The following LDLRAD4 variants were observed in gnomAD, a reference collection of about 807,000 sequenced individuals.
LDLRAD4 encodes low density lipoprotein receptor class A domain containing 4.
LDLRAD4 carries 5 observed loss-of-function variants against 17.0 expected under a neutral mutation model. The ratio of observed to expected loss-of-function variants is 0.29; its 90% CI spans 0.15 to 0.62. The LOEUF is 0.62. LDLRAD4 is among the 20% of genes least tolerant of loss of function. LDLRAD4 has a pLI of 0.84. For synonymous variants in LDLRAD4, 168 were observed against 171.8 expected, an observed-to-expected ratio of 0.98 and a Z score of 0.17; for missense variants, 340 against 424.7, an observed-to-expected ratio of 0.80 and a Z score of 1.75.
At chr18:13,466,812 A>G (rs2092633205) in intron 3 of LDLRAD4, among the ~76,000 whole-genome samples, 3 of 152,118 alleles carry the variant, frequency 2.0e-5, no homozygotes, top group Non-Finnish European at 4.4e-5. Flanking sequence ...TGGTTCATAG[A>G]TGGAACATTC....
At chr18:13,617,883 G>A (rs908587827) in intron 3 of LDLRAD4, among the ~76,000 whole-genome samples, 1 of 152,210 alleles carries the variant, frequency 6.6e-6, no homozygotes, top group African/African-American at 2.4e-5. Flanking sequence ...TCCTGGGACA[G>A]CCTAAACGAA....
intron 3 of LDLRAD4, among the ~76,000 whole-genome samples, chr18:13,441,431 C>T (rs569894985): frequency 2.0e-4 from 31 of 152,320 alleles, no homozygotes; most frequent in African/African-American, 7.0e-4. Flanking sequence ...TTCAGAAAGG[C>T]GATGCCTCAT....
intron 3 of LDLRAD4, among the ~76,000 whole-genome samples, chr18:13,581,928 G>T (rs2094865708): frequency 6.6e-6 from 1 of 152,102 alleles, no homozygotes; most frequent in South Asian, 2.1e-4. Context: ...GTAAGGGGTG[G>T]CAGGGACTGG....
At chr18:13,249,751 G>A (rs555096373) in intron 1 of LDLRAD4, among the ~76,000 whole-genome samples, 12 of 152,140 alleles carry the variant, frequency 7.9e-5, no homozygotes, top group African/African-American at 1.9e-4. Flanking sequence ...CTTTTAGGTC[G>A]ATATAATCCC....
intron 1 of LDLRAD4, among the ~76,000 whole-genome samples, chr18:13,242,939 T>C (rs956504888): frequency 6.6e-6 from 1 of 152,050 alleles, no homozygotes; most frequent in Non-Finnish European, 1.5e-5. Context: ...CCATCTGTGC[T>C]GGCAGGAGCT....
chr18:13,405,726 C>G (rs202094233), intron 2 of LDLRAD4, among the ~76,000 whole-genome samples: 2 of 151,892 alleles, frequency 1.3e-5, no homozygotes, highest in Non-Finnish European at 1.5e-5. Flanking sequence ...CAGGCATGAG[C>G]CACCGTGCCG....
intron 1 of LDLRAD4, among the ~76,000 whole-genome samples, chr18:13,234,640 G>A (rs1388765181): frequency 6.6e-6 from 1 of 152,148 alleles, no homozygotes; most frequent in African/African-American, 2.4e-5. Flanking sequence ...CGTGGGTTGG[G>A]ACAGGCCTCA....
At chr18:13,477,589 G>C (rs1197639730) in intron 3 of LDLRAD4, among the ~76,000 whole-genome samples, 29 of 152,210 alleles carry the variant, frequency 1.9e-4, no homozygotes, top group Admixed American at 1.9e-3. Flanking sequence ...TGAGGGGAGA[G>C]CTCAGGTCAT....
At chr18:13,434,872 C>T (rs183522585) in intron 2 of LDLRAD4, among the ~76,000 whole-genome samples, 32 of 152,350 alleles carry the variant, frequency 2.1e-4, no homozygotes, top group Admixed American at 7.2e-4. Context: ...CTACCTCTTT[C>T]TCAGTAGACA....
At position 13,542,113 on chromosome 18, in the gene LDLRAD4, C is replaced by A. The variant is rs2094292910; in HGVS notation, c.182-79004C>A. ...AAGGTCACTCTCTACTCAAGTTCTA[C>A]TTATATAACAGCAATGCAGCTCTCT... On this transcript the variant is annotated intron_variant, in intron 3 of 5. Coordinates refer to ENST00000359446, the Ensembl canonical transcript of LDLRAD4. Among the ~76,000 whole-genome samples, 3 of 152,298 alleles carry A rather than the reference C, an allele frequency of 2.0e-5. No homozygotes were observed. The South Asian group carries it at 6.2e-4, about 32-fold the overall frequency.
At position 13,367,746 on chromosome 18, in the gene LDLRAD4, T is replaced by G. The variant is rs2084166781; in HGVS notation, c.-382-19595T>G. Among the ~76,000 whole-genome samples, 1 of 149,570 alleles carries G rather than the reference T, an allele frequency of 6.7e-6. No individual in the cohort carries two copies. The highest frequency in any genetic ancestry group is 2.5e-5 in the African/African-American group (1 of 40,274). The stretch of plus-strand genomic sequence containing the variant: ...AGGAGACAGCCGAGCCCGGGGGGCA[T>G]GCACTGTCAAGGTGTTTGCTGAGAG... On this transcript the variant is annotated intron_variant, in intron 1 of 5. Transcript: ENST00000359446. This position sits in a 1 kb window ranked among gnomAD's most constrained non-coding sequence, Gnocchi z 4.1.
chr18:13,627,218 G>A (rs960369380), intron 4 of LDLRAD4, among the ~76,000 whole-genome samples: 6 of 152,154 alleles, frequency 3.9e-5, no homozygotes, highest in African/African-American at 9.7e-5. Context: ...CTGAGATCAC[G>A]CCATTGCACT....
intron 1 of LDLRAD4, among the ~76,000 whole-genome samples, chr18:13,332,741 TTTG>T (rs2081929452): frequency 7.8e-6 from 1 of 128,194 alleles, no homozygotes; most frequent in Non-Finnish European, 1.6e-5. Context: ...GCTCATTTTT[TTTG>T]TTTTTTTTTT....
chr18:13,546,754 C>T (rs575754650), intron 3 of LDLRAD4, among the ~76,000 whole-genome samples: 1 of 152,296 alleles, frequency 6.6e-6, no homozygotes, highest in East Asian at 1.9e-4. Flanking sequence ...CCGCCATCCC[C>T]ACTTTCTCAG....
intron 1 of LDLRAD4, among the ~76,000 whole-genome samples, chr18:13,324,276 T>C (rs1418650081): frequency 2.6e-5 from 4 of 151,124 alleles, no homozygotes; most frequent in African/African-American, 9.7e-5. Flanking sequence ...TAGCTGGGAC[T>C]ACAGGTGCCT....
intron 1 of LDLRAD4, among the ~76,000 whole-genome samples, chr18:13,375,868 G>C (rs1016605202): frequency 6.6e-6 from 1 of 152,162 alleles, no homozygotes; most frequent in Non-Finnish European, 1.5e-5. Context: ...GTCCACCGGC[G>C]TATGTGTGTT....
intron 3 of LDLRAD4, among the ~76,000 whole-genome samples, chr18:13,527,825 C>T (rs1257524991): frequency 6.6e-6 from 1 of 152,186 alleles, no homozygotes; most frequent in African/African-American, 2.4e-5. Flanking sequence ...ATGGCCTTCA[C>T]AGAGGCAGCC....
At chr18:13,230,211 G>A (rs1274046537) in intron 1 of LDLRAD4, among the ~76,000 whole-genome samples, 2 of 152,156 alleles carry the variant, frequency 1.3e-5, no homozygotes, top group African/African-American at 4.8e-5. Flanking sequence ...CACCAGATCT[G>A]CCGGCACCTT....
At chr18:13,337,837 G>A (rs1261494033) in intron 1 of LDLRAD4, among the ~76,000 whole-genome samples, 4 of 152,058 alleles carry the variant, frequency 2.6e-5, no homozygotes, top group South Asian at 2.1e-4. Context: ...CTCCAGTCTG[G>A]GTGACAGCAC....
Sources: allele counts gnomAD v4.1 joint callset (sites outside exome capture counted in the v4.1 genomes callset), GRCh38; gene constraint gnomAD v4.1.1; non-coding constraint Gnocchi (gnomAD v3.1); transcripts MANE v1.5; gene names NCBI Gene and HGNC (gene_info 2026-07-23, HGNC 2026-07-21).